Variants in CETN3 observed in about 807,000 individuals in gnomAD.
The protein encoded by CETN3 is centrin-3.
A neutral mutation model predicts 20.1 loss-of-function variants in CETN3; 17 were observed. That is an observed-to-expected ratio of 0.85 (90% confidence interval 0.58 to 1.27). CETN3 has a LOEUF of 1.27. Among genes scored for constraint, CETN3 ranks in the 50% most tolerant of loss-of-function variants. CETN3 has a pLI of 0.00. For missense variants in CETN3, 169 were observed against 191.2 expected (o/e 0.88, Z 0.69); for synonymous variants, 52 against 59.7 (o/e 0.87, Z 0.59).
intron 1 of CETN3, 39 bp from the exon 2 acceptor site, chr5:90,407,873 T>G: frequency 6.7e-7 from 1 of 1,484,120 alleles, no homozygotes; most frequent in Non-Finnish European, 9.0e-7. Context: ...TCCACTTTAA[T>G]TCTCTTTACT....
intron 3 of CETN3, among the ~76,000 whole-genome samples, chr5:90,403,763 T>C (rs921729174): frequency 2.5e-4 from 36 of 145,188 alleles, no homozygotes; most frequent in Non-Finnish European, 4.1e-4. Context: ...CCCAGCTACT[T>C]GGGAGGCTGA....
chr5:90,405,290 C>T (rs1749405610), intron 3 of CETN3: 1 of 189,672 alleles, frequency 5.3e-6, no homozygotes, highest in African/African-American at 2.3e-5. Context: ...ACAAAAATCA[C>T]ATACCAGAAA....
At chr5:90,401,250 T>C (rs1029502946) in intron 3 of CETN3, among the ~76,000 whole-genome samples, 3 of 152,200 alleles carry the variant, frequency 2.0e-5, no homozygotes, top group African/African-American at 4.8e-5. Flanking sequence ...ATGCTCATCA[T>C]TTTGGACAGC....
chr5:90,406,524 A>G (rs920041796), intron 2 of CETN3, among the ~76,000 whole-genome samples: 6 of 151,798 alleles, frequency 4.0e-5, no homozygotes, highest in Non-Finnish European at 8.8e-5. Flanking sequence ...CCTTAATTAG[A>G]AGAGTTCAGG....
chr5:90,407,875 C>A, intron 1 of CETN3, 41 bp from the exon 2 acceptor site: 6 of 1,477,016 alleles, frequency 4.1e-6, no homozygotes, highest in South Asian at 1.4e-5. Context: ...CACTTTAATT[C>A]TCTTTACTAA....
rs1034508226 is a variant in CETN3 at position 90,407,710 on chromosome 5, G to A, written c.142C>T (p.His48Tyr). ...AAGTATACCATTACCTTTAATTCAT[G>A]ATAATCTATTGCTTCATCTTTGTCT... The part of the protein sequence containing the change: ...DTDKDEAIDY[H>Y]ELKVAMRALG... Residue 48 changes from histidine (H) to tyrosine (Y), a missense_variant, in exon 2 of 5, where the codon CAT becomes TAT. By Grantham distance (83) the His-to-Tyr change is moderately conservative. Transcript: ENST00000283122. 3 of 1,524,960 alleles carry A rather than the reference G, an allele frequency of 2.0e-6. No homozygotes were observed. Among genetic ancestry groups the A allele is most frequent in the Non-Finnish European group, 2.7e-6 (3 of 1,125,240 alleles). The allele number at this position is 1,524,960 out of a possible 1,614,324, so 94.5% of individuals were successfully genotyped here.
At chr5:90,401,665 C>T (rs889266382) in intron 3 of CETN3, among the ~76,000 whole-genome samples, 3 of 152,116 alleles carry the variant, frequency 2.0e-5, no homozygotes, top group African/African-American at 7.2e-5. Flanking sequence ...CCAAACATAC[C>T]AGTTAGACAT....
At chr5:90,409,558 C>G in intron 1 of CETN3, 87 bp downstream of exon 1, 3 of 1,509,222 alleles carry the variant, frequency 2.0e-6, no homozygotes, top group Non-Finnish European at 2.8e-6. Context: ...TGCCTCGCCT[C>G]GGCCCCAAAC....
chr5:90,400,151 C>CG (rs759213397), intron 3 of CETN3, among the ~76,000 whole-genome samples: 2 of 152,052 alleles, frequency 1.3e-5, no homozygotes, highest in Non-Finnish European at 2.9e-5. Context: ...CCAAAATTTA[C>CG]AAAGTAGTAA....
intron 3 of CETN3, among the ~76,000 whole-genome samples, chr5:90,401,580 A>C (rs768110641): frequency 3.9e-5 from 6 of 152,198 alleles, no homozygotes; most frequent in Non-Finnish European, 7.3e-5. Context: ...ATCAAAAGTA[A>C]ATTAAAAATT....
chr5:90,405,755 T>C lies in CETN3; in HGVS notation c.198A>G (p.Val66=). Reference sequence around the variant, plus strand: ...TGTCATAATCTTTAAGAATCTTCAGTACATCAGCTTTTTTTACATCAAACC... The same window carrying C: ...TGTCATAATCTTTAAGAATCTTCAGCACATCAGCTTTTTTTACATCAAACC... ...ALGFDVKKAD[V]LKILKDYDRE... Residue 66 remains valine (V), a synonymous_variant, in exon 3 of 5, where the codon GTA becomes GTG. Transcript: ENST00000283122. The C allele has an allele frequency of 1.9e-6, 3 of 1,612,506 alleles. No individual in the cohort carries two copies. The highest frequency in any genetic ancestry group is 2.5e-6 in the Non-Finnish European group (3 of 1,179,358).
intron 3 of CETN3, among the ~76,000 whole-genome samples, chr5:90,403,657 G>A (rs1396301650): frequency 6.6e-6 from 1 of 151,566 alleles, no homozygotes; most frequent in Non-Finnish European, 1.5e-5. Flanking sequence ...GGATCACGAG[G>A]TCAGGAGATC....
chr5:90,394,781 G>A (rs1312109416), intron 4 of CETN3, among the ~76,000 whole-genome samples: 3 of 151,996 alleles, frequency 2.0e-5, no homozygotes, highest in East Asian at 3.9e-4. Context: ...CTAATTTTTA[G>A]TTTGCCAAAA....
chr5:90,402,397 T>C (rs1362831026), intron 3 of CETN3, among the ~76,000 whole-genome samples: 8 of 152,204 alleles, frequency 5.3e-5, no homozygotes, highest in Admixed American at 4.6e-4. Context: ...TTTCCAGTCA[T>C]TTCCCTATGT....
chr5:90,409,663 A>T lies in CETN3; in HGVS notation c.-2T>A. The T allele has an allele frequency of 1.3e-5, 21 of 1,614,152 alleles. No homozygotes were observed. The highest frequency in any genetic ancestry group is 1.8e-5 in the Non-Finnish European group (21 of 1,180,026). The stretch of plus-strand genomic sequence containing the variant: ...TACCGACCTCAGAGCTAAACTCATT[A>T]TCTCTTCGCACAGAGACGTTCCTCT... On this transcript the variant is annotated 5_prime_UTR_variant, in exon 1 of 5. Transcript: ENST00000283122.
chr5:90,403,324 G>T (rs1475423727), intron 3 of CETN3, among the ~76,000 whole-genome samples: 1 of 152,160 alleles, frequency 6.6e-6, no homozygotes, highest in South Asian at 2.1e-4. Flanking sequence ...GTAATACATA[G>T]TTCCTGAATG....
At chr5:90,400,116 G>C (rs562334044) in intron 3 of CETN3, among the ~76,000 whole-genome samples, 29 of 152,242 alleles carry the variant, frequency 1.9e-4, no homozygotes, top group Non-Finnish European at 3.4e-4. Context: ...TAATACCTTT[G>C]TGATTAGAAG....
chr5:90,408,261 T>A (rs866933609), intron 1 of CETN3, among the ~76,000 whole-genome samples: 17 of 152,152 alleles, frequency 1.1e-4, no homozygotes, highest in African/African-American at 3.6e-4. Context: ...TAACTGACAA[T>A]CACTATATAT....
Position 90,405,815 on chromosome 5 carries a change from G to A in CETN3, c.154-16C>T, listed in dbSNP as rs774460145. ...TCATTGCCACCTTTTGGATTAAAAA[G>A]GAAAAGCAAATTATAAAGCACTCTT... On this transcript the variant is annotated splice_polypyrimidine_tract_variant and intron_variant, in intron 2 of 4. Coordinates refer to ENST00000283122, the MANE Select transcript of CETN3 (RefSeq NM_004365.4). 2.6e-6 allele frequency: 4 copies of A among 1,509,864 alleles called. No homozygotes were observed. Among genetic ancestry groups the A allele is most frequent in the East Asian group, 4.5e-5 (2 of 43,976 alleles). 93.5% of individuals were successfully genotyped at this position (1,509,864 alleles called of 1,614,324 possible). A position where few individuals can be genotyped will look rare whatever the true frequency, so the allele number is the denominator to read the frequency against.
Sources: gnomAD v4.1 joint callset for allele counts (sites outside exome capture counted in the v4.1 genomes callset) on GRCh38, gnomAD v4.1.1 for gene constraint, MANE v1.5 for transcripts, NCBI Gene and HGNC (gene_info 2026-07-23, HGNC 2026-07-21) for gene names.